The following TTC39A variants were observed in gnomAD, a reference collection of about 807,000 sequenced individuals.
TTC39A encodes the protein tetratricopeptide repeat protein 39A.
TTC39A carries 46 observed loss-of-function variants against 82.3 expected under a neutral mutation model. That is an observed-to-expected ratio of 0.56 (90% confidence interval 0.44 to 0.71). TTC39A has a LOEUF of 0.71. Among genes scored for constraint, TTC39A ranks in the 30% least tolerant of loss-of-function variants. The probability of loss-of-function intolerance (pLI) is 0.00; values close to 1 mark genes in which losing one functional copy is unlikely to be tolerated. For missense variants in TTC39A, 543 were observed against 712.9 expected (o/e 0.76, Z 2.71); for synonymous variants, 254 against 275.2 (o/e 0.92, Z 0.76).
Position 51,290,092 on chromosome 1 carries a change from C to G in TTC39A, c.1406G>C (p.Cys469Ser), listed in dbSNP as rs1270639144. 15 of 1,613,960 alleles carry G rather than the reference C, an allele frequency of 9.3e-6. No individual in the cohort carries two copies. Among genetic ancestry groups the G allele is most frequent in the Admixed American group, 1.7e-5 (1 of 60,004 alleles). ...CAGGCCTTTCAACAATTTCACCAAG[C>G]ACTCGTCATCCACTGAGTACTCGTT... is the stretch of plus-strand genomic sequence containing the variant. Reference protein sequence around the residue: ...PENEYSVDDECLVKLLKGLCL... With the variant: ...PENEYSVDDESLVKLLKGLCL... The change falls in exon 16 of 18, where the codon TGC becomes TCC. Residue 469 changes from cysteine (C) to serine (S), a missense_variant. Transcript: ENST00000680483.
intron 1 of TTC39A, among the ~76,000 whole-genome samples, chr1:51,327,037 G>T (rs1411447955): frequency 1.3e-5 from 2 of 152,224 alleles, no homozygotes; most frequent in African/African-American, 4.8e-5. Context: ...GTGGGAGGGG[G>T]TGTCAGGTAG....
At chr1:51,303,023 G>A (rs910438329) in intron 9 of TTC39A, 61 bp downstream of exon 9, 30 of 1,447,666 alleles carry the variant, frequency 2.1e-5, no homozygotes, top group Non-Finnish European at 2.5e-5. Flanking sequence ...GTAGCCCCTC[G>A]TTCTCCTTCC....
At chr1:51,310,218 C>T (rs1405819960) in intron 5 of TTC39A, among the ~76,000 whole-genome samples, 1 of 152,120 alleles carries the variant, frequency 6.6e-6, no homozygotes, top group Non-Finnish European at 1.5e-5. Context: ...GCCTGGGCGA[C>T]AGAGCAAGAC....
At chr1:51,341,177 G>GC (rs34782330) in intron 1 of TTC39A, among the ~76,000 whole-genome samples, 8,775 of 136,130 alleles carry the variant, frequency 0.064, 360 homozygotes, top group African/African-American at 0.098. Flanking sequence ...AAAATAAACC[G>GC]CCCCCCCACC....
Position 51,290,634 on chromosome 1 carries a change from AG to A in TTC39A, c.1267-10del, listed in dbSNP as rs1557694584. The A allele has an allele frequency of 5.6e-6, 9 of 1,609,178 alleles. No individual in the cohort carries two copies. Among genetic ancestry groups the A allele is most frequent in the Non-Finnish European group, 6.8e-6 (8 of 1,177,544 alleles). On this transcript the variant is annotated splice_polypyrimidine_tract_variant and intron_variant, in intron 14 of 17. Transcript: ENST00000680483. ...CAGATGTACATCATTTCCTGAAGGC[AG>A]GGGGGCAAGTCAGTCCTAGGTTTCT...
At chr1:51,309,588 C>T (rs527962407) in intron 5 of TTC39A, among the ~76,000 whole-genome samples, 1 of 152,318 alleles carries the variant, frequency 6.6e-6, no homozygotes, top group Non-Finnish European at 1.5e-5. Flanking sequence ...TTAACAGTAT[C>T]TCCCTCTAGG....
At chr1:51,333,737 C>G (rs770001954), upstream of TTC39A, among the ~76,000 whole-genome samples, 52 of 152,094 alleles carry the variant, frequency 3.4e-4, no homozygotes, top group Non-Finnish European at 6.8e-4. Flanking sequence ...TGGTGGGGAG[C>G]AGAGAGTGAG....
intron 2 of TTC39A, among the ~76,000 whole-genome samples, chr1:51,317,410 G>A (rs902220097): frequency 6.6e-6 from 1 of 152,198 alleles, no homozygotes; most frequent in Non-Finnish European, 1.5e-5. Flanking sequence ...AGGTGGTCTG[G>A]GGGTGGTGTG....
chr1:51,309,432 T>C (rs769912725), intron 5 of TTC39A, 107 bp from the exon 6 acceptor site: 1 of 1,579,172 alleles, frequency 6.3e-7, no homozygotes. Flanking sequence ...TGAGGAACCC[T>C]GGGGGGATGA....
Position 51,305,097 on chromosome 1 carries a change from C to T in TTC39A, c.638G>A (p.Gly213Glu). 6.2e-7 allele frequency: 1 copy of T among 1,613,524 alleles called. No homozygotes were observed. The highest frequency in any genetic ancestry group is 8.5e-7 in the Non-Finnish European group (1 of 1,179,610). ...TRILRLLEFV[G>E]FSGNKDYGLL... The stretch of plus-strand genomic sequence containing the variant: ...GGTGGTTACCTTGTTTCCTGAAAAC[C>T]CCACAAACTCCAACAGCCTCAGGAT... Residue 213 changes from glycine to glutamate, a missense_variant, in exon 8 of 18, where the codon GGG (glycine) becomes GAG (glutamate). Transcript: ENST00000680483.
rs575259599 is a variant in TTC39A, at chr1:51,294,044, G to A, written c.1266+347C>T. Among the ~76,000 whole-genome samples, 5 of 152,328 alleles carry A rather than the reference G, an allele frequency of 3.3e-5. No homozygotes were observed. Among genetic ancestry groups the A allele is most frequent in the African/African-American group, 7.2e-5 (3 of 41,578 alleles). On this transcript the variant is annotated intron_variant, in intron 14 of 17. Transcript: ENST00000680483. This position sits in a 1 kb window ranked among gnomAD's most constrained non-coding sequence, Gnocchi z 4.3. ...AAAGGTTGGCCGAGTGAGGGGGACC[G>A]TGAAAACAATTATAATCATTGTGAC...
At position 51,294,949 on chromosome 1, in the gene TTC39A, C is replaced by T. The variant is rs531520082; in HGVS notation, c.1146-438G>A. Among the ~76,000 whole-genome samples, 3 of 152,206 alleles carry T rather than the reference C, an allele frequency of 2.0e-5. No homozygotes were observed. Among genetic ancestry groups the T allele is most frequent in the African/African-American group, 4.8e-5 (2 of 41,446 alleles). The stretch of plus-strand genomic sequence containing the variant: ...AAACCCTTAATTAACTCTTGCCTCG[C>T]GAGTTCTGGCCTTCTCAGCTGTTTC... On this transcript the variant is annotated intron_variant, in intron 13 of 17. Transcript: ENST00000680483. The surrounding 1 kb of genome is among the most constrained non-coding windows in gnomAD (Gnocchi z 4.3).
At chr1:51,339,456 G>A (rs1191623688) in intron 1 of TTC39A, among the ~76,000 whole-genome samples, 1 of 152,206 alleles carries the variant, frequency 6.6e-6, no homozygotes, top group Non-Finnish European at 1.5e-5. Flanking sequence ...GGAATCTTGG[G>A]CTAAGAGAAA....
intron 2 of TTC39A, among the ~76,000 whole-genome samples, chr1:51,314,372 T>C (rs558698115): frequency 6.6e-6 from 1 of 152,324 alleles, no homozygotes; most frequent in South Asian, 2.1e-4. Flanking sequence ...CTTTACTCCC[T>C]TCCCCAGGTC....
intron 1 of TTC39A, among the ~76,000 whole-genome samples, chr1:51,327,374 A>C (rs934368033): frequency 1.3e-5 from 2 of 152,238 alleles, no homozygotes; most frequent in African/African-American, 4.8e-5. Context: ...TCTAAATTGC[A>C]AAAATGATTG....
upstream of TTC39A, among the ~76,000 whole-genome samples, chr1:51,332,554 G>A (rs149158152): frequency 6.6e-5 from 10 of 152,286 alleles, 1 homozygote; most frequent in East Asian, 3.9e-4. Context: ...CACCGCGCCC[G>A]GCCTGAAACT....
chr1:51,339,077 G>A (rs1646006106), intron 1 of TTC39A, among the ~76,000 whole-genome samples: 1 of 152,216 alleles, frequency 6.6e-6, no homozygotes, highest in African/African-American at 2.4e-5. Context: ...AGCTTGAAAT[G>A]AATTGAGCGG....
At chr1:51,333,789 C>G (rs1002527986), upstream of TTC39A, among the ~76,000 whole-genome samples, 1 of 152,132 alleles carries the variant, frequency 6.6e-6, no homozygotes, top group Non-Finnish European at 1.5e-5. Context: ...AGGGCCTGGT[C>G]CAGTTCATCT....
intron 6 of TTC39A, among the ~76,000 whole-genome samples, chr1:51,307,856 T>G (rs935324147): frequency 6.6e-6 from 1 of 152,138 alleles, no homozygotes; most frequent in African/African-American, 2.4e-5. Context: ...TACAATTCAG[T>G]GGTATTAACT....
Sources: gnomAD v4.1 joint callset for allele counts (sites outside exome capture counted in the v4.1 genomes callset) on GRCh38, gnomAD v4.1.1 for gene constraint, Gnocchi (gnomAD v3.1) non-coding constraint, MANE v1.5 for transcripts, NCBI Gene and HGNC (gene_info 2026-07-23, HGNC 2026-07-21) for gene names.